Variants in ADGRL3 observed in about 807,000 individuals in gnomAD.
The protein encoded by ADGRL3 is calcium-independent alpha-latrotoxin receptor 3.
In ADGRL3, 62 loss-of-function variants were observed where a neutral mutation model predicts 153.5. That is an observed-to-expected ratio of 0.40 (90% CI 0.33 to 0.50). The LOEUF (loss-of-function observed/expected upper bound fraction) is 0.50. Ranked by LOEUF, ADGRL3 falls within the 20% of genes least tolerant of loss-of-function variation. The pLI, the probability that ADGRL3 is intolerant of heterozygous loss-of-function variation, is 0.47. For missense variants in ADGRL3, 1,641 were observed against 1,859.4 expected (o/e 0.88, Z 2.16); for synonymous variants, 710 against 672.5 (o/e 1.06, Z -0.86).
intron 1 of ADGRL3, among the ~76,000 whole-genome samples, chr4:61,298,600 C>T (rs1241725337): frequency 1.3e-5 from 2 of 152,120 alleles, no homozygotes; most frequent in African/African-American, 4.8e-5. Context: ...AGCAGCTGCC[C>T]AGGGAGGCTT....
intron 5 of ADGRL3, among the ~76,000 whole-genome samples, chr4:61,644,199 G>T (rs2093840029): frequency 6.9e-6 from 1 of 145,662 alleles, no homozygotes; most frequent in African/African-American, 2.6e-5. Context: ...TATTAGTCTT[G>T]CTAGCGGTCT....
intron 1 of ADGRL3, among the ~76,000 whole-genome samples, chr4:61,368,405 T>A (rs1274009773): frequency 6.6e-6 from 1 of 152,176 alleles, no homozygotes; most frequent in East Asian, 1.9e-4. Context: ...GATTTTTGTA[T>A]AAGGTGTAAG....
chr4:62,002,037 C>T (rs1310345447), intron 21 of ADGRL3, among the ~76,000 whole-genome samples: 1 of 151,946 alleles, frequency 6.6e-6, no homozygotes, highest in Non-Finnish European at 1.5e-5. Flanking sequence ...ATATTCACTG[C>T]CACTGTTTTC....
chr4:61,873,249 T>C (rs529487689), intron 9 of ADGRL3, among the ~76,000 whole-genome samples: 1 of 152,270 alleles, frequency 6.6e-6, no homozygotes, highest in East Asian at 1.9e-4. Flanking sequence ...AAGGCAGATA[T>C]AATGTAGTAA....
chr4:61,683,007 A>AG (rs2095369275), intron 6 of ADGRL3, among the ~76,000 whole-genome samples: 1 of 152,100 alleles, frequency 6.6e-6, no homozygotes, highest in South Asian at 2.1e-4. Flanking sequence ...AAATATACAG[A>AG]GAAGGCACAC....
At chr4:61,459,230 G>T (rs1265105960) in intron 2 of ADGRL3, among the ~76,000 whole-genome samples, 1 of 151,436 alleles carries the variant, frequency 6.6e-6, no homozygotes, top group Admixed American at 6.6e-5. Context: ...ATTCATTTTT[G>T]GTGTTTGGTT....
intron 5 of ADGRL3, among the ~76,000 whole-genome samples, chr4:61,590,376 T>G (rs1031100935): frequency 3.3e-5 from 5 of 151,998 alleles, no homozygotes; most frequent in Admixed American, 1.3e-4. Context: ...TTTTAGAGAG[T>G]TTTTTAAAAA....
In ADGRL3 at chr4:61,856,581, CTT is replaced by C. The variant is rs199648865; in HGVS notation, c.1481-36070_1481-36069del. Reference sequence around the variant, plus strand: ...TGTCTCTCTCTCTCTTTCTCTCTCTCTTTTTTCTCTCTCTCTCTCTCTCTTTT... The same window carrying C: ...TGTCTCTCTCTCTCTTTCTCTCTCTCTTTTCTCTCTCTCTCTCTCTCTTTT... On this transcript the variant is annotated intron_variant, in intron 9 of 26. Coordinates refer to ENST00000683033, the MANE Select transcript of ADGRL3 (RefSeq NM_001387552.1). 7.2e-3 allele frequency among the ~76,000 whole-genome samples: 754 copies of C among 104,906 alleles called. 12 individuals carry two copies. Among genetic ancestry groups the C allele is most frequent in the African/African-American group, 0.027 (721 of 27,046 alleles). The allele number at this position is 104,906 out of a possible 152,430, so 68.8% of individuals were successfully genotyped here. A position where few individuals can be genotyped will look rare whatever the true frequency, so the allele number is the denominator to read the frequency against.
chr4:61,724,974 A>G (rs2096302412), intron 6 of ADGRL3, among the ~76,000 whole-genome samples: 1 of 152,074 alleles, frequency 6.6e-6, no homozygotes, highest in African/African-American at 2.4e-5. Flanking sequence ...TATCTTCTCT[A>G]GAGAGTTGCT....
chr4:61,897,284 G>A (rs544342439), intron 11 of ADGRL3, among the ~76,000 whole-genome samples: 1 of 152,264 alleles, frequency 6.6e-6, no homozygotes, highest in Non-Finnish European at 1.5e-5. Flanking sequence ...GAACTTAGTT[G>A]ATTGGAACTT....
chr4:61,608,621 C>CAAGGAGATAAT (rs2149644162), intron 5 of ADGRL3, among the ~76,000 whole-genome samples: 1 of 152,058 alleles, frequency 6.6e-6, no homozygotes, highest in Non-Finnish European at 1.5e-5. Flanking sequence ...TGCATGTGTA[C>CAAGGAGATAAT]AAGGAGATAA....
chr4:61,475,215 C>A (rs1161120894), intron 2 of ADGRL3, among the ~76,000 whole-genome samples: 1 of 152,120 alleles, frequency 6.6e-6, no homozygotes, highest in Admixed American at 6.5e-5. Flanking sequence ...CGTAAGATGT[C>A]TTACTTATTT....
At chr4:61,937,384 G>T (rs1025841379) in intron 15 of ADGRL3, among the ~76,000 whole-genome samples, 1 of 149,872 alleles carries the variant, frequency 6.7e-6, no homozygotes, top group South Asian at 2.1e-4. Flanking sequence ...GCATGTTCCT[G>T]CATCAGGTTT....
intron 2 of ADGRL3, among the ~76,000 whole-genome samples, chr4:61,419,035 C>T (rs2097174118): frequency 6.6e-6 from 1 of 150,556 alleles, no homozygotes. Context: ...GAATGCATAG[C>T]TTAGATGACA....
chr4:61,431,514 G>T (rs562369342), intron 2 of ADGRL3, among the ~76,000 whole-genome samples: 1 of 152,324 alleles, frequency 6.6e-6, no homozygotes, highest in Non-Finnish European at 1.5e-5. Flanking sequence ...AAGTTCCCTT[G>T]AGATTAAACT....
chr4:61,792,182 A>C (rs1196935175), intron 8 of ADGRL3, among the ~76,000 whole-genome samples: 1 of 151,824 alleles, frequency 6.6e-6, no homozygotes, highest in Non-Finnish European at 1.5e-5. Context: ...GAATGCCTTT[A>C]CCAGCACCCA....
At chr4:61,282,703 A>G (rs1234757123) in intron 1 of ADGRL3, among the ~76,000 whole-genome samples, 1 of 151,878 alleles carries the variant, frequency 6.6e-6, no homozygotes, top group Non-Finnish European at 1.5e-5. Flanking sequence ...CTTGTTTTAT[A>G]TTGCCTAAAA....
intron 1 of ADGRL3, among the ~76,000 whole-genome samples, chr4:61,342,334 T>C (rs1332984079): frequency 1.3e-5 from 2 of 152,194 alleles, no homozygotes; most frequent in African/African-American, 4.8e-5. Flanking sequence ...TTATAGTCTA[T>C]AAACATTGTG....
chr4:61,854,862 T>G (rs893751555), intron 9 of ADGRL3, among the ~76,000 whole-genome samples: 8 of 152,224 alleles, frequency 5.3e-5, no homozygotes, highest in African/African-American at 1.9e-4. Flanking sequence ...GTATTTCACC[T>G]CTGTGGTCAT....
Sources: allele counts gnomAD v4.1 joint callset (sites outside exome capture counted in the v4.1 genomes callset), GRCh38; gene constraint gnomAD v4.1.1; transcripts MANE v1.5; gene names NCBI Gene and HGNC (gene_info 2026-07-23, HGNC 2026-07-21).